PTPRD: variants seen among roughly 807,000 people sequenced by gnomAD.
PTPRD encodes receptor-type tyrosine-protein phosphatase delta.
A neutral mutation model predicts 214.5 loss-of-function variants in PTPRD; 34 were observed. That is an observed-to-expected ratio of 0.16 (90% CI 0.12 to 0.21). The LOEUF is 0.21. Among genes scored for constraint, PTPRD ranks in the 10% least tolerant of loss-of-function variants. The probability of loss-of-function intolerance (pLI) is 1.00; values close to 1 mark genes in which losing one functional copy is unlikely to be tolerated. For synonymous variants in PTPRD, 1,128 were observed against 845.7 expected (o/e 1.33, Z -5.79); for missense variants, 2,545 against 2,398.7 (o/e 1.06, Z -1.27).
intron 2 of PTPRD, among the ~76,000 whole-genome samples, chr9:10,606,803 C>G (rs957107943): frequency 1.3e-5 from 2 of 151,798 alleles, no homozygotes; most frequent in Non-Finnish European, 2.9e-5. Context: ...AAGGAGTCCC[C>G]TTTTTAACAC....
intron 9 of PTPRD, among the ~76,000 whole-genome samples, chr9:9,224,351 A>T (rs1242428157): frequency 1.3e-5 from 2 of 151,988 alleles, no homozygotes. Context: ...AAAATTTTCA[A>T]TTTTAAATAG....
intron 10 of PTPRD, among the ~76,000 whole-genome samples, chr9:9,133,220 G>C (rs1197499568): frequency 6.6e-6 from 1 of 152,176 alleles, no homozygotes; most frequent in African/African-American, 2.4e-5. Flanking sequence ...CACAGAGGTA[G>C]GGCAGGTGTT....
chr9:10,558,751 AGAATGGATGGAT>A (rs2063183736), intron 2 of PTPRD, among the ~76,000 whole-genome samples: 1 of 152,184 alleles, frequency 6.6e-6, no homozygotes, highest in Admixed American at 6.6e-5. Context: ...AAGTGTTTGA[AGAATGGATGGAT>A]GAATGGATTC....
chr9:8,732,997 G>A (rs2098676549), intron 12 of PTPRD, among the ~76,000 whole-genome samples: 1 of 152,142 alleles, frequency 6.6e-6, no homozygotes, highest in African/African-American at 2.4e-5. Flanking sequence ...ACATGTCAGG[G>A]AGTACAAGGC....
intron 11 of PTPRD, among the ~76,000 whole-genome samples, chr9:8,944,512 C>T (rs139821865): frequency 1.3e-5 from 2 of 151,976 alleles, no homozygotes; most frequent in Non-Finnish European, 1.5e-5. Context: ...ACGTGTCCAT[C>T]GACAGATGAA....
intron 37 of PTPRD, among the ~76,000 whole-genome samples, chr9:8,386,790 C>T (rs1338809557): frequency 6.6e-6 from 1 of 152,184 alleles, no homozygotes; most frequent in Non-Finnish European, 1.5e-5. Flanking sequence ...AATGCCTTCT[C>T]CTTTCTTCCC....
At chr9:9,928,748 C>G (rs2085239099) in intron 5 of PTPRD, among the ~76,000 whole-genome samples, 1 of 107,446 alleles carries the variant, frequency 9.3e-6, no homozygotes, top group Admixed American at 9.2e-5. Context: ...GCAGTCATCT[C>G]TCTCTCTATA....
Position 10,449,968 on chromosome 9 carries a change from T to C in PTPRD, c.-599-108951A>G, listed in dbSNP as rs373798270. Among the ~76,000 whole-genome samples the C allele has an allele frequency of 9.3e-3, 1,404 of 151,262 alleles. 23 individuals are homozygous for C. The highest frequency in any genetic ancestry group is 0.031 in the African/African-American group (1,264 of 40,614). On this transcript the variant is annotated intron_variant, in intron 2 of 45. Coordinates refer to ENST00000381196, the MANE Select transcript of PTPRD (RefSeq NM_002839.4). ...CCAACCCCGTGCTCTCTGAAACATGTGCTGTGTCCACTCAGGGTTAAATGG... is the reference window on the plus strand; with the variant it reads ...CCAACCCCGTGCTCTCTGAAACATGCGCTGTGTCCACTCAGGGTTAAATGG...
intron 10 of PTPRD, among the ~76,000 whole-genome samples, chr9:9,057,765 T>C (rs961067553): frequency 6.6e-6 from 1 of 152,208 alleles, no homozygotes; most frequent in East Asian, 1.9e-4. Context: ...TATGAGCTTT[T>C]TGTGCATAAT....
At chr9:9,912,667 A>C (rs192063722) in intron 5 of PTPRD, among the ~76,000 whole-genome samples, 119 of 152,340 alleles carry the variant, frequency 7.8e-4, no homozygotes, top group African/African-American at 2.7e-3. Flanking sequence ...AGAAATGAAT[A>C]GCCAGTAGGT....
chr9:8,815,956 G>T (rs1600708586), intron 11 of PTPRD, among the ~76,000 whole-genome samples: 1 of 152,272 alleles, frequency 6.6e-6, no homozygotes, highest in South Asian at 2.1e-4. Flanking sequence ...GTGATTTGAT[G>T]CATTTTTGTA....
intron 33 of PTPRD, among the ~76,000 whole-genome samples, chr9:8,457,514 A>T (rs1161783762): frequency 1.3e-5 from 2 of 152,142 alleles, no homozygotes; most frequent in Admixed American, 1.3e-4. Flanking sequence ...ATTAAAAACA[A>T]AAGTTAAATG....
At chr9:8,598,960 A>G (rs551553745) in intron 14 of PTPRD, among the ~76,000 whole-genome samples, 2 of 152,192 alleles carry the variant, frequency 1.3e-5, no homozygotes, top group East Asian at 3.8e-4. Flanking sequence ...CTGAAAAATG[A>G]TACGGTTTGT....
chr9:10,423,870 G>C (rs528836999), intron 2 of PTPRD, among the ~76,000 whole-genome samples: 1 of 152,072 alleles, frequency 6.6e-6, no homozygotes, highest in Non-Finnish European at 1.5e-5. Context: ...TTGGAAATAA[G>C]TTGGAACCTA....
chr9:10,191,680 G>T (rs1193174613), intron 3 of PTPRD, among the ~76,000 whole-genome samples: 4 of 152,102 alleles, frequency 2.6e-5, no homozygotes, highest in African/African-American at 9.7e-5. Context: ...GTTGCTTAGT[G>T]ACCCTCTCGT....
intron 10 of PTPRD, among the ~76,000 whole-genome samples, chr9:9,045,310 T>C (rs1188274386): frequency 6.6e-6 from 1 of 152,186 alleles, no homozygotes; most frequent in Non-Finnish European, 1.5e-5. Context: ...TTCATTCTTA[T>C]GGATGAACCA....
At chr9:10,011,364 G>C (rs1257035206) in intron 4 of PTPRD, among the ~76,000 whole-genome samples, 2 of 151,930 alleles carry the variant, frequency 1.3e-5, no homozygotes, top group African/African-American at 4.8e-5. Flanking sequence ...CATATCTAAA[G>C]AGATATCAAG....
chr9:8,752,202 G>T (rs12002219), intron 11 of PTPRD, among the ~76,000 whole-genome samples: 1 of 152,104 alleles, frequency 6.6e-6, no homozygotes. Context: ...GAGATAGGAG[G>T]TCCGCACAAG....
intron 7 of PTPRD, among the ~76,000 whole-genome samples, chr9:9,668,972 G>A (rs1317910728): frequency 6.6e-6 from 1 of 151,748 alleles, no homozygotes; most frequent in African/African-American, 2.4e-5. Flanking sequence ...CTACTGTAGT[G>A]GGAAAAAAAA....
Sources: allele counts gnomAD v4.1 joint callset (sites outside exome capture counted in the v4.1 genomes callset), GRCh38; gene constraint gnomAD v4.1.1; transcripts MANE v1.5; gene names NCBI Gene and HGNC (gene_info 2026-07-23, HGNC 2026-07-21).